SOS2: variants seen among roughly 807,000 people sequenced by gnomAD.
SOS2 encodes SOS Ras/Rho guanine nucleotide exchange factor 2, also known as son of sevenless homolog 2.
Under a neutral mutation model 148.2 loss-of-function variants are expected in SOS2, and 65 were observed. That is an observed-to-expected ratio of 0.44 (90% CI 0.36 to 0.54). SOS2 has a LOEUF of 0.54. SOS2 is among the 20% of genes least tolerant of loss of function. The probability of loss-of-function intolerance (pLI) is 0.00; values close to 1 mark genes in which losing one functional copy is unlikely to be tolerated. For synonymous variants in SOS2, 539 were observed against 537.1 expected (o/e 1.00, Z -0.05); for missense variants, 1,341 against 1,590.2 (o/e 0.84, Z 2.67).
At chr14:50,174,756 C>A (rs1204260897) in intron 7 of SOS2, among the ~76,000 whole-genome samples, 1 of 152,142 alleles carries the variant, frequency 6.6e-6, no homozygotes, top group East Asian at 1.9e-4. Context: ...GAAATATATA[C>A]ATTAATTTTC....
chr14:50,163,727 CTAAAA>C (rs1566833035), intron 8 of SOS2, among the ~76,000 whole-genome samples: 1 of 152,166 alleles, frequency 6.6e-6, no homozygotes, highest in Non-Finnish European at 1.5e-5. Context: ...CAGCTCCACT[CTAAAA>C]TATTTCTTTA....
At chr14:50,197,383 G>C (rs1886343534) in intron 4 of SOS2, among the ~76,000 whole-genome samples, 2 of 152,116 alleles carry the variant, frequency 1.3e-5, no homozygotes, top group South Asian at 4.1e-4. Flanking sequence ...CCACTAATGA[G>C]ACACAATGAA....
At chr14:50,225,295 A>C (rs1804731344) in intron 1 of SOS2, among the ~76,000 whole-genome samples, 5 of 152,202 alleles carry the variant, frequency 3.3e-5, no homozygotes, top group African/African-American at 1.2e-4. Context: ...TTTTAACATG[A>C]GATAATGCTA....
chr14:50,129,024 C>A (rs1038110152), intron 21 of SOS2, among the ~76,000 whole-genome samples: 1 of 152,076 alleles, frequency 6.6e-6, no homozygotes, highest in African/African-American at 2.4e-5. Context: ...TTACTATGCT[C>A]GAAGCAGATG....
At chr14:50,197,661 C>T (rs1377675520) in intron 4 of SOS2, among the ~76,000 whole-genome samples, 1 of 151,120 alleles carries the variant, frequency 6.6e-6, no homozygotes, top group African/African-American at 2.4e-5. Context: ...TTGCCATGGC[C>T]TCTCTTGAAT....
chr14:50,122,862 T>A (rs942397546), intron 21 of SOS2, among the ~76,000 whole-genome samples: 1 of 152,242 alleles, frequency 6.6e-6, no homozygotes, highest in Non-Finnish European at 1.5e-5. Flanking sequence ...CTATCTAAGT[T>A]ACTTCTAATT....
chr14:50,175,065 A>AC (rs1885479309), intron 7 of SOS2, among the ~76,000 whole-genome samples: 2 of 35,910 alleles, frequency 5.6e-5, no homozygotes, highest in South Asian at 9.3e-4. Flanking sequence ...CAGCAACATC[A>AC]GCTCAGTTTG....
chr14:50,174,651 G>A (rs866697707), intron 7 of SOS2, 99 bp from the exon 8 acceptor site: 1 of 534,300 alleles, frequency 1.9e-6, no homozygotes, highest in Middle Eastern at 2.8e-4. Context: ...TTGAGATACA[G>A]ACTTATCAAA....
Position 50,139,880 on chromosome 14 carries a change from G to C in SOS2, c.2785+62C>G. The C allele has an allele frequency of 3.9e-6, 3 of 762,188 alleles. No homozygotes were observed. In the Admixed American group the frequency reaches 5.9e-5, roughly 15 times the overall value. The allele number at this position is 762,188 out of a possible 1,614,324, so 47.2% of individuals were successfully genotyped here. A position where few individuals can be genotyped will look rare whatever the true frequency, so the allele number is the denominator to read the frequency against. On this transcript the variant is annotated intron_variant, in intron 17 of 22. Coordinates refer to ENST00000216373, the MANE Select transcript of SOS2 (RefSeq NM_006939.4). The stretch of plus-strand genomic sequence containing the variant: ...AAAATAAAGATAACATGCCTCTGAA[G>C]ACTGCTCTCTTTTGGCTATCACACG...
chr14:50,184,098 G>A (rs1430959255), intron 5 of SOS2, among the ~76,000 whole-genome samples: 1 of 152,132 alleles, frequency 6.6e-6, no homozygotes, highest in African/African-American at 2.4e-5. Flanking sequence ...TAAAAATATA[G>A]TATAATCTTA....
At chr14:50,149,910 A>G in intron 14 of SOS2, 98 bp downstream of exon 14, 1 of 853,536 alleles carries the variant, frequency 1.2e-6, no homozygotes, top group Non-Finnish European at 1.9e-6. Context: ...TAGATGAGGT[A>G]TTTTTAAGCA....
chr14:50,210,624 T>A (rs1886837205), intron 1 of SOS2, among the ~76,000 whole-genome samples: 1 of 152,026 alleles, frequency 6.6e-6, no homozygotes, highest in African/African-American at 2.4e-5. Context: ...GGAGAAGATA[T>A]ATGTAGTACA....
intron 8 of SOS2, among the ~76,000 whole-genome samples, chr14:50,162,720 T>C (rs989501073): frequency 5.3e-5 from 8 of 152,152 alleles, no homozygotes; most frequent in Admixed American, 2.0e-4. Flanking sequence ...CAAGAAACCA[T>C]GAAAATTAAT....
chr14:50,185,559 G>A (rs1456312017), intron 5 of SOS2, among the ~76,000 whole-genome samples: 3 of 151,988 alleles, frequency 2.0e-5, no homozygotes, highest in African/African-American at 7.3e-5. Flanking sequence ...AGGCGTGGTG[G>A]TGCACATCTC....
chr14:50,195,959 G>A (rs1039796078), intron 4 of SOS2, among the ~76,000 whole-genome samples: 33 of 151,650 alleles, frequency 2.2e-4, no homozygotes, highest in Admixed American at 1.1e-3. Context: ...CCTGGGAGGC[G>A]GAGGTTGCAG....
At chr14:50,178,660 GTGTGTGTGTGCATATATATATA>G (rs1225950228) in intron 7 of SOS2, among the ~76,000 whole-genome samples, 6 of 18,386 alleles carry the variant, frequency 3.3e-4, no homozygotes, top group Non-Finnish European at 5.8e-4. Flanking sequence ...GTGTGTGTGT[GTGTGTGTGTGCATATATATATA>G]TATATATATA....
At chr14:50,184,409 G>A (rs1427018617) in intron 5 of SOS2, among the ~76,000 whole-genome samples, 2 of 152,026 alleles carry the variant, frequency 1.3e-5, no homozygotes, top group African/African-American at 2.4e-5. Flanking sequence ...CCCCTAAAAC[G>A]CTAAGAATAT....
intron 21 of SOS2, 60 bp from the exon 22 acceptor site, chr14:50,120,444 A>G: frequency 1.3e-6 from 1 of 797,246 alleles, no homozygotes; most frequent in Non-Finnish European, 2.1e-6. Flanking sequence ...CCTTTATCAC[A>G]ATTTGTGATC....
rs1441953271 is a variant in SOS2, at chr14:50,231,274, C to A, written c.10G>T (p.Ala4Ser). Reference sequence around the variant, plus strand: ...CTGAAGAACTCGTAAGGCTGCGGCGCCTGCTGCATGGCCCCGGCGACAGCG... The same window carrying A: ...CTGAAGAACTCGTAAGGCTGCGGCGACTGCTGCATGGCCCCGGCGACAGCG... MQQ[A>S]PQPYEFFSEE... The change falls in exon 1 of 23, where the codon GCG becomes TCG. Residue 4 changes from alanine to serine, a missense_variant. By Grantham distance (99) the Ala-to-Ser change is moderately conservative. Transcript: ENST00000216373. 2 of 1,465,658 alleles carry A rather than the reference C, an allele frequency of 1.4e-6. No homozygotes were observed. The highest frequency in any genetic ancestry group is 1.8e-6 in the Non-Finnish European group (2 of 1,093,510). 90.8% of individuals were successfully genotyped at this position (1,465,658 alleles called of 1,614,324 possible). A position where few individuals can be genotyped will look rare whatever the true frequency, so the allele number is the denominator to read the frequency against.
Sources: gnomAD v4.1 joint callset for allele counts (sites outside exome capture counted in the v4.1 genomes callset) on GRCh38, gnomAD v4.1.1 for gene constraint, MANE v1.5 for transcripts, NCBI Gene and HGNC (gene_info 2026-07-23, HGNC 2026-07-21) for gene names.